The following UPRT variants were observed in gnomAD, a reference collection of about 807,000 sequenced individuals.
UPRT encodes the protein RP11-311P8.3.
In UPRT, 5 loss-of-function variants were observed where a neutral mutation model predicts 22.6. The observed-to-expected ratio is 0.22, with a 90% confidence interval of 0.12 to 0.47. The LOEUF (loss-of-function observed/expected upper bound fraction) is 0.47. UPRT is among the 20% of genes least tolerant of loss of function. The probability of loss-of-function intolerance (pLI) is 0.99; values close to 1 mark genes in which losing one functional copy is unlikely to be tolerated. For missense variants in UPRT, 181 were observed against 239.9 expected (o/e 0.75, Z 1.62); for synonymous variants, 77 against 87.7 (o/e 0.88, Z 0.68).
intron 4 of UPRT, among the ~76,000 whole-genome samples, chrX:75,207,133 G>A (rs2082369368): frequency 1.8e-5 from 2 of 112,432 alleles, no homozygotes; most frequent in South Asian, 3.7e-4. Context: ...TTTTCTATGG[G>A]TGTTCCTTTT....
chrX:75,177,454 T>A (rs1355592516), intron 4 of UPRT, among the ~76,000 whole-genome samples: 1 of 110,130 alleles, frequency 9.1e-6, no homozygotes, highest in Non-Finnish European at 1.9e-5. Context: ...CCGAGAAAAA[T>A]CGGATTTAGT....
intron 4 of UPRT, among the ~76,000 whole-genome samples, chrX:75,255,244 T>C (rs751782558): frequency 9.0e-6 from 1 of 111,586 alleles, no homozygotes; most frequent in South Asian, 3.7e-4. Flanking sequence ...GAATTTTGTA[T>C]GCAGTGAAAC....
intron 4 of UPRT, among the ~76,000 whole-genome samples, chrX:75,240,987 A>G (rs2082486545): frequency 9.0e-6 from 1 of 111,644 alleles, no homozygotes; most frequent in Non-Finnish European, 1.9e-5. Context: ...AGAAGATAAC[A>G]TCAGAAAAAC....
chrX:75,207,686 A>T (rs1602454042), intron 4 of UPRT, among the ~76,000 whole-genome samples: 1 of 111,871 alleles, frequency 8.9e-6, no homozygotes, highest in Non-Finnish European at 1.9e-5. Flanking sequence ...GGAAGATGCC[A>T]TAGTAATGTG....
intron 4 of UPRT, among the ~76,000 whole-genome samples, chrX:75,195,300 A>C (rs910114595): frequency 8.9e-6 from 1 of 112,614 alleles, no homozygotes; most frequent in Non-Finnish European, 1.9e-5. Context: ...CATTGCAAGC[A>C]CATGTGGCCA....
At chrX:75,172,558 C>T (rs1006436400) in intron 4 of UPRT, among the ~76,000 whole-genome samples, 1 of 112,041 alleles carries the variant, frequency 8.9e-6, no homozygotes, top group African/African-American at 3.3e-5. Context: ...TTGGTGGGTT[C>T]TTGGTCTCAC....
At chrX:75,179,485 C>T (rs2082261745) in intron 4 of UPRT, among the ~76,000 whole-genome samples, 1 of 113,533 alleles carries the variant, frequency 8.8e-6, no homozygotes, top group African/African-American at 3.2e-5. Context: ...GCTGCAGGAG[C>T]TGCCTGCCAG....
At chrX:75,229,206 A>T (rs2082431167) in intron 4 of UPRT, among the ~76,000 whole-genome samples, 1 of 112,334 alleles carries the variant, frequency 8.9e-6, no homozygotes, top group South Asian at 3.7e-4. Context: ...TGATGGATGT[A>T]TTAATTAGCT....
chrX:75,274,702 G>A (rs960384364), intron 1 of UPRT, 62 bp downstream of exon 1: 15 of 1,111,268 alleles, frequency 1.3e-5, no homozygotes, highest in Non-Finnish European at 1.8e-5. Flanking sequence ...GGCGGGGATT[G>A]GAAGTAAAAG....
At chrX:75,181,445 G>C (rs765150023) in intron 4 of UPRT, among the ~76,000 whole-genome samples, 23 of 111,401 alleles carry the variant, frequency 2.1e-4, no homozygotes, top group Non-Finnish European at 3.8e-4. Flanking sequence ...TGGGTAGTAT[G>C]GCCATTTTGT....
intron 4 of UPRT, among the ~76,000 whole-genome samples, chrX:75,231,998 G>A (rs1857125): frequency 0.022 from 2,447 of 111,435 alleles, 74 homozygotes; most frequent in African/African-American, 0.076. Context: ...CGCAGAAGCC[G>A]GGTGATTTCT....
chrX:75,227,749 A>T (rs1428417859), intron 4 of UPRT, among the ~76,000 whole-genome samples: 1 of 112,193 alleles, frequency 8.9e-6, no homozygotes, highest in Admixed American at 9.4e-5. Context: ...TCTCAGCAAT[A>T]ATTAAGGGAC....
upstream of UPRT, among the ~76,000 whole-genome samples, chrX:75,269,165 A>G (rs1401985310): frequency 8.9e-6 from 1 of 111,853 alleles, no homozygotes; most frequent in Non-Finnish European, 1.9e-5. Flanking sequence ...ATTGCTACAA[A>G]GAGAATAAAA....
intron 1 of UPRT, 138 bp downstream of exon 1, chrX:75,274,778 GTGTGT>G (rs1217525703): frequency 4.0e-3 from 50 of 12,609 alleles, no homozygotes; most frequent in South Asian, 0.027. Context: ...TTTATTTGGT[GTGTGT>G]GTGTGTGTGT....
At chrX:75,280,579 A>C (rs756825039) in intron 1 of UPRT, among the ~76,000 whole-genome samples, 1 of 111,426 alleles carries the variant, frequency 9.0e-6, no homozygotes, top group African/African-American at 3.3e-5. Flanking sequence ...TCAGTTGGCT[A>C]TAAGTATTTG....
Position 75,249,674 on chromosome X carries a change from C to A in UPRT, c.-446-41350C>A, listed in dbSNP as rs749707054. On this transcript the variant is annotated intron_variant, in intron 4 of 13. Coordinates refer to the UPRT transcript ENST00000652605. ...TGTGAGACAGAAAGTTAACAAGGGT[C>A]TCCAGGAATTGAACTCAGCTCTGCA... Among the ~76,000 whole-genome samples the A allele has an allele frequency of 1.6e-4, 18 of 110,897 alleles. No homozygotes were observed. The East Asian group carries it at 5.1e-3, about 32-fold the overall frequency.
intron 2 of UPRT, among the ~76,000 whole-genome samples, chrX:75,296,103 A>T (rs1287145427): frequency 9.0e-6 from 1 of 111,542 alleles, no homozygotes; most frequent in Non-Finnish European, 1.9e-5. Context: ...ATCAGAAGGA[A>T]TATTGGAGCC....
intron 1 of UPRT, among the ~76,000 whole-genome samples, chrX:75,279,373 A>C (rs191461317): frequency 9.0e-6 from 1 of 111,045 alleles, no homozygotes; most frequent in Admixed American, 9.6e-5. Context: ...TTCCCGTGTG[A>C]GTCCTCTGAC....
intron 4 of UPRT, among the ~76,000 whole-genome samples, chrX:75,265,549 C>G (rs1302063848): frequency 8.9e-6 from 1 of 111,909 alleles, no homozygotes; most frequent in Admixed American, 9.5e-5. Context: ...TTAAGGACTT[C>G]TCTGCATTTG....
Sources: gnomAD v4.1 joint callset for allele counts (sites outside exome capture counted in the v4.1 genomes callset) on GRCh38, gnomAD v4.1.1 for gene constraint, MANE v1.5 for transcripts, NCBI Gene and HGNC (gene_info 2026-07-23, HGNC 2026-07-21) for gene names.